The following ERBIN variants were observed in gnomAD, a reference collection of about 807,000 sequenced individuals.
The protein encoded by ERBIN is erbb2 interacting protein, also known as densin-180-like protein.
Under a neutral mutation model 158.4 loss-of-function variants are expected in ERBIN, and 60 were observed. The observed-to-expected ratio is 0.38, with a 90% CI of 0.31 to 0.47. The LOEUF is 0.47. Ranked by LOEUF, ERBIN falls within the 20% of genes least tolerant of loss-of-function variation. The probability of loss-of-function intolerance (pLI) is 0.99; values close to 1 mark genes in which losing one functional copy is unlikely to be tolerated. For missense variants in ERBIN, 1,610 were observed against 1,648.0 expected, an observed-to-expected ratio of 0.98 and a Z score of 0.40; for synonymous variants, 594 against 557.2, an observed-to-expected ratio of 1.07 and a Z score of -0.93.
chr5:66,018,506 T>TTATATAATATATAA (rs1561380720), intron 7 of ERBIN, among the ~76,000 whole-genome samples: 175 of 5,586 alleles, frequency 0.031, 41 homozygotes, highest in South Asian at 0.069. Flanking sequence ...ATAATATATA[T>TTATATAATATATAA]TATATATTAT....
intron 14 of ERBIN, among the ~76,000 whole-genome samples, chr5:66,036,051 T>C (rs1193750542): frequency 1.3e-5 from 2 of 152,150 alleles, no homozygotes; most frequent in East Asian, 1.9e-4. Context: ...ATCATGCCAC[T>C]GCACTCCAGC....
rs370551332 is a variant in ERBIN, at chr5:66,018,567, T to TTATATAATA, written c.534-2750_534-2749insAATATATAT. 1.3e-3 allele frequency among the ~76,000 whole-genome samples: 13 copies of TTATATAATA among 9,920 alleles called. 1 individual carries two copies. The highest frequency in any genetic ancestry group is 5.9e-3 in the South Asian group (1 of 170). 6.5% of individuals were successfully genotyped at this position (9,920 alleles called of 152,430 possible). A position where few individuals can be genotyped will look rare whatever the true frequency, so the allele number is the denominator to read the frequency against. On this transcript the variant is annotated intron_variant, in intron 7 of 25. Coordinates refer to ENST00000284037, the MANE Select transcript of ERBIN (RefSeq NM_001253697.2). ...TATATTATATATTATATAATATATA[T>TTATATAATA]TATATTATATAATATATATTATATA...
chr5:66,029,572 G>GT (rs1561397241), intron 14 of ERBIN, among the ~76,000 whole-genome samples: 1 of 151,580 alleles, frequency 6.6e-6, no homozygotes, highest in African/African-American at 2.4e-5. Flanking sequence ...GTTCTGTTCT[G>GT]TCCTGTCCTG....
chr5:65,954,304 T>G (rs79097289), intron 1 of ERBIN, among the ~76,000 whole-genome samples: 1,693 of 152,350 alleles, frequency 0.011, 26 homozygotes, highest in African/African-American at 0.037. Flanking sequence ...GGTTGTGTCC[T>G]GTGCTTGAAA....
intron 8 of ERBIN, among the ~76,000 whole-genome samples, chr5:66,022,099 A>G (rs1446387276): frequency 1.3e-5 from 2 of 152,072 alleles, no homozygotes; most frequent in Admixed American, 6.6e-5. Flanking sequence ...GAATTTCTCA[A>G]AACTGCTTGC....
In ERBIN at chr5:66,054,412, A is replaced by T; in HGVS notation, c.3094A>T (p.Asn1032Tyr). The T allele has an allele frequency of 6.2e-7, 1 of 1,614,158 alleles. No individual in the cohort carries two copies. Among genetic ancestry groups the T allele is most frequent in the South Asian group, 1.1e-5 (1 of 91,072 alleles). Reference sequence around the variant, plus strand: ...ACATTCTGCCAATATGAATTTCTCTAATCATAACAATGTTCGAGCTAATAC... The same window carrying T: ...ACATTCTGCCAATATGAATTTCTCTTATCATAACAATGTTCGAGCTAATAC... ...AKHSANMNFS[N>Y]HNNVRANTAY... The change falls in exon 21 of 26, where the codon AAT becomes TAT. Residue 1032 changes from asparagine to tyrosine, a missense_variant. Around this residue, in one of 2 missense-constraint regions of ERBIN, gnomAD observed 1,014 missense variants for 936.1 expected, o/e 1.08. Transcript: ENST00000284037.
chr5:66,029,935 C>G (rs1185524364), intron 14 of ERBIN, among the ~76,000 whole-genome samples: 3 of 152,074 alleles, frequency 2.0e-5, no homozygotes, highest in African/African-American at 7.2e-5. Flanking sequence ...TCCCAGAAGC[C>G]TTAAATTTAT....
chr5:66,016,824 A>G (rs1372234630), intron 7 of ERBIN, among the ~76,000 whole-genome samples: 2 of 152,092 alleles, frequency 1.3e-5, no homozygotes, highest in Admixed American at 6.5e-5. Context: ...TGTGTTGGTC[A>G]GACTGGTCTC....
chr5:66,053,747 G>T lies in ERBIN; in HGVS notation c.2429G>T (p.Gly810Val). The change falls in exon 21 of 26, where the codon GGA becomes GTA. Residue 810 changes from glycine to valine, a missense_variant. Gly to Val is a moderately radical substitution (Grantham distance 109). Coordinates refer to ENST00000284037, the MANE Select transcript of ERBIN (RefSeq NM_001253697.2). The stretch of plus-strand genomic sequence containing the variant: ...GAGGAAACTGAGCACTTGGAAAATG[G>T]AAACAAGTATCCTAATTTGGAATCC... ...SKEETEHLEN[G>V]NKYPNLESVN... The T allele has an allele frequency of 6.2e-7, 1 of 1,613,736 alleles. No individual in the cohort carries two copies. Among genetic ancestry groups the T allele is most frequent in the South Asian group, 1.1e-5 (1 of 91,080 alleles).
chr5:65,987,742 G>A (rs1681068335), intron 1 of ERBIN, among the ~76,000 whole-genome samples: 2 of 151,990 alleles, frequency 1.3e-5, no homozygotes, highest in South Asian at 4.1e-4. Flanking sequence ...CTACTCGGCA[G>A]GCTGAGGCAG....
At chr5:66,021,501 T>G in intron 8 of ERBIN, 116 bp downstream of exon 8, 1 of 732,570 alleles carries the variant, frequency 1.4e-6, no homozygotes. Context: ...TTTTCTTAGT[T>G]ACAAGATATG....
At chr5:65,941,751 TTTTTTTTGAGACGGAGTGTCG>T (rs1267948719) in intron 1 of ERBIN, among the ~76,000 whole-genome samples, 1 of 152,126 alleles carries the variant, frequency 6.6e-6, no homozygotes, top group Non-Finnish European at 1.5e-5. Context: ...TTGTAGTATT[TTTTTTTTGAGACGGAGTGTCG>T]TTTTGTCGCC....
chr5:66,008,355 C>G (rs1463653993), intron 4 of ERBIN, among the ~76,000 whole-genome samples: 1 of 152,092 alleles, frequency 6.6e-6, no homozygotes, highest in African/African-American at 2.4e-5. Context: ...GGAGGCGGAG[C>G]TTGCAGTGAG....
chr5:65,964,829 G>C (rs138546578), intron 1 of ERBIN, among the ~76,000 whole-genome samples: 41 of 142,358 alleles, frequency 2.9e-4, no homozygotes, highest in African/African-American at 1.1e-3. Flanking sequence ...TACAACCTCT[G>C]CCTTCCAGGT....
chr5:66,076,007 A>G (rs753941294), intron 23 of ERBIN: 15 of 296,166 alleles, frequency 5.1e-5, no homozygotes, highest in Non-Finnish European at 8.1e-5. Flanking sequence ...TTTATGTACT[A>G]TGTCATATAA....
intron 4 of ERBIN, among the ~76,000 whole-genome samples, chr5:65,996,060 C>G (rs1025291569): frequency 3.3e-5 from 5 of 152,086 alleles, no homozygotes; most frequent in Non-Finnish European, 7.4e-5. Flanking sequence ...ACTCCATAAT[C>G]TGTTTCTTCA....
At chr5:65,956,479 C>T (rs1398946065) in intron 1 of ERBIN, among the ~76,000 whole-genome samples, 7 of 148,990 alleles carry the variant, frequency 4.7e-5, no homozygotes, top group African/African-American at 9.9e-5. Flanking sequence ...CAGGCTCAAG[C>T]GATTCACCCA....
intron 1 of ERBIN, among the ~76,000 whole-genome samples, chr5:65,957,531 G>A (rs1747324088): frequency 1.3e-5 from 2 of 152,118 alleles, no homozygotes; most frequent in Non-Finnish European, 2.9e-5. Context: ...ACCGGGTTGG[G>A]GGTAAGGTCA....
At chr5:65,958,341 A>C (rs970807268) in intron 1 of ERBIN, among the ~76,000 whole-genome samples, 1 of 152,182 alleles carries the variant, frequency 6.6e-6, no homozygotes, top group South Asian at 2.1e-4. Flanking sequence ...TTGAGCACTG[A>C]GTGAACGAGG....
Sources: gnomAD v4.1 joint callset for allele counts (sites outside exome capture counted in the v4.1 genomes callset) on GRCh38, gnomAD v4.1.1 for gene constraint, gnomAD v4.1.1 regional missense constraint, MANE v1.5 for transcripts, NCBI Gene and HGNC (gene_info 2026-07-23, HGNC 2026-07-21) for gene names.